NKAIN3: variants seen among roughly 807,000 people sequenced by gnomAD.
NKAIN3 encodes sodium/potassium-transporting ATPase subunit beta-1-interacting protein 3.
In NKAIN3, 25 loss-of-function variants were observed where a neutral mutation model predicts 30.2. The observed-to-expected ratio is 0.83, with a 90% CI of 0.60 to 1.16. The LOEUF is 1.16. NKAIN3 is among the 50% of genes most tolerant of loss of function. The probability of loss-of-function intolerance (pLI) is 0.00; values close to 1 mark genes in which losing one functional copy is unlikely to be tolerated. For synonymous variants in NKAIN3, 91 were observed against 89.6 expected, an observed-to-expected ratio of 1.02 and a Z score of -0.09; for missense variants, 225 against 254.1, an observed-to-expected ratio of 0.89 and a Z score of 0.78.
intron 1 of NKAIN3, among the ~76,000 whole-genome samples, chr8:62,466,207 G>T (rs1806157161): frequency 2.0e-5 from 3 of 152,044 alleles, no homozygotes. Context: ...TTTTTGGACA[G>T]AGGAAATTTG....
intron 4 of NKAIN3, among the ~76,000 whole-genome samples, chr8:62,760,102 C>G (rs929553176): frequency 1.3e-5 from 2 of 152,038 alleles, no homozygotes; most frequent in African/African-American, 4.8e-5. Context: ...CTTAGAATGG[C>G]GATCATTAAA....
chr8:62,954,885 T>C (rs1563644032), intron 6 of NKAIN3, among the ~76,000 whole-genome samples: 1 of 152,220 alleles, frequency 6.6e-6, no homozygotes, highest in Non-Finnish European at 1.5e-5. Flanking sequence ...CTTTCCTGGG[T>C]AGCAAACCAT....
At chr8:62,832,523 C>T (rs1233549107) in intron 4 of NKAIN3, among the ~76,000 whole-genome samples, 1 of 148,160 alleles carries the variant, frequency 6.7e-6, no homozygotes, top group Non-Finnish European at 1.5e-5. Context: ...CATGTAACAA[C>T]ACTCATAGGC....
intron 3 of NKAIN3, among the ~76,000 whole-genome samples, chr8:62,649,940 T>C (rs932374336): frequency 6.6e-6 from 1 of 152,140 alleles, no homozygotes; most frequent in Non-Finnish European, 1.5e-5. Context: ...TTTCTATTTT[T>C]CCCAAGTACT....
chr8:62,300,308 A>G (rs1037318428), intron 1 of NKAIN3, among the ~76,000 whole-genome samples: 22 of 152,134 alleles, frequency 1.4e-4, no homozygotes, highest in Non-Finnish European at 3.1e-4. Flanking sequence ...ATGTATAAAC[A>G]ATATTAAATT....
rs1824090766 is a variant in NKAIN3 at position 62,981,910 on chromosome 8, G to A, written c.*16503G>A. ...TGTTTAAATCCTATTAACTCTTAACGATACACAGTTCGAATTATCTAAATG... is the reference window on the plus strand; with the variant it reads ...TGTTTAAATCCTATTAACTCTTAACAATACACAGTTCGAATTATCTAAATG... On this transcript the variant is annotated 3_prime_UTR_variant, in exon 7 of 7. Transcript: ENST00000623646. 1.3e-5 allele frequency: 2 copies of A among 151,934 alleles called. No individual in the cohort carries two copies. The highest frequency in any genetic ancestry group is 4.1e-4 in the South Asian group (2 of 4,822). 9.4% of individuals were successfully genotyped at this position (151,934 alleles called of 1,614,324 possible).
At chr8:62,794,073 C>G (rs933846395) in intron 4 of NKAIN3, among the ~76,000 whole-genome samples, 1 of 152,196 alleles carries the variant, frequency 6.6e-6, no homozygotes, top group Non-Finnish European at 1.5e-5. Context: ...CTTACAACAT[C>G]AGTGGCTATT....
chr8:62,772,763 C>T (rs936005187), intron 4 of NKAIN3, among the ~76,000 whole-genome samples: 2 of 151,358 alleles, frequency 1.3e-5, no homozygotes, highest in African/African-American at 4.9e-5. Context: ...CAGGTTCAAG[C>T]GATTCTTTTG....
intron 3 of NKAIN3, among the ~76,000 whole-genome samples, chr8:62,690,975 A>G (rs1188383649): frequency 2.0e-5 from 3 of 152,330 alleles, no homozygotes; most frequent in Non-Finnish European, 4.4e-5. Context: ...ATAAATTATG[A>G]AAACAACGAT....
At chr8:62,419,174 AG>A (rs777427343) in intron 1 of NKAIN3, among the ~76,000 whole-genome samples, 23 of 152,186 alleles carry the variant, frequency 1.5e-4, no homozygotes, top group Non-Finnish European at 3.1e-4. Flanking sequence ...TTGACCCCAC[AG>A]AGTACTCATT....
chr8:62,990,227 T>A (rs748541898), intron 5 of NKAIN3: 59 of 1,556,682 alleles, frequency 3.8e-5, no homozygotes, highest in Non-Finnish European at 4.9e-5. Flanking sequence ...AATTATTGAA[T>A]AAGCAAGAAT....
chr8:62,961,772 GA>G (rs1823577667), intron 6 of NKAIN3, among the ~76,000 whole-genome samples: 1 of 152,098 alleles, frequency 6.6e-6, no homozygotes, highest in Non-Finnish European at 1.5e-5. Flanking sequence ...CAAGGGAAGT[GA>G]AAACAAAAGG....
chr8:62,920,724 C>G (rs1016547700), intron 5 of NKAIN3, among the ~76,000 whole-genome samples: 3 of 152,108 alleles, frequency 2.0e-5, no homozygotes, highest in Admixed American at 6.5e-5. Flanking sequence ...TTATTAGGGC[C>G]ATACATTACA....
At chr8:62,447,752 C>A (rs1213796749) in intron 1 of NKAIN3, among the ~76,000 whole-genome samples, 1 of 151,986 alleles carries the variant, frequency 6.6e-6, no homozygotes, top group Admixed American at 6.6e-5. Context: ...CAAATTAGAT[C>A]CCCCCTTCCT....
chr8:62,813,819 G>A (rs1239054277), intron 4 of NKAIN3, among the ~76,000 whole-genome samples: 1 of 151,928 alleles, frequency 6.6e-6, no homozygotes, highest in Non-Finnish European at 1.5e-5. Context: ...ACTCCCTTAA[G>A]CATTTATTGC....
At chr8:62,283,913 A>C (rs1813285295) in intron 1 of NKAIN3, among the ~76,000 whole-genome samples, 1 of 152,214 alleles carries the variant, frequency 6.6e-6, no homozygotes, top group Non-Finnish European at 1.5e-5. Context: ...TTTAAAAATT[A>C]ATGTATTGAT....
chr8:62,799,849 A>G (rs1817996392), intron 4 of NKAIN3, among the ~76,000 whole-genome samples: 1 of 152,222 alleles, frequency 6.6e-6, no homozygotes, highest in South Asian at 2.1e-4. Flanking sequence ...GCATATATAT[A>G]GTATGCAATA....
At chr8:62,750,365 G>C (rs886648236) in intron 4 of NKAIN3, among the ~76,000 whole-genome samples, 4 of 152,048 alleles carry the variant, frequency 2.6e-5, no homozygotes, top group African/African-American at 9.7e-5. Context: ...CGCGTGAGTG[G>C]AGCTTGGAAC....
chr8:62,544,867 A>G (rs551335020), intron 1 of NKAIN3, among the ~76,000 whole-genome samples: 82 of 152,312 alleles, frequency 5.4e-4, no homozygotes, highest in Middle Eastern at 3.4e-3. Flanking sequence ...CATTTAACAC[A>G]TATTTTGTAC....
Sources: allele counts gnomAD v4.1 joint callset (sites outside exome capture counted in the v4.1 genomes callset), GRCh38; gene constraint gnomAD v4.1.1; transcripts MANE v1.5; gene names NCBI Gene and HGNC (gene_info 2026-07-23, HGNC 2026-07-21).